STARD8: variants seen among roughly 807,000 people sequenced by gnomAD.
STARD8 encodes StAR related lipid transfer domain containing 8.
A neutral mutation model predicts 69.4 loss-of-function variants in STARD8; 25 were observed. That is an observed-to-expected ratio of 0.36 (90% CI 0.26 to 0.50). The LOEUF (loss-of-function observed/expected upper bound fraction) is 0.50. Among genes scored for constraint, STARD8 ranks in the 20% least tolerant of loss-of-function variants. STARD8 has a pLI of 0.96. For synonymous variants in STARD8, 389 were observed against 374.6 expected (o/e 1.04, Z -0.45); for missense variants, 921 against 932.5 (o/e 0.99, Z 0.16).
At chrX:68,667,403 C>A (rs111745409) in intron 2 of STARD8, among the ~76,000 whole-genome samples, 3 of 111,633 alleles carry the variant, frequency 2.7e-5, no homozygotes, top group Non-Finnish European at 5.6e-5. Context: ...CAATAGACAG[C>A]GCATTAAAAA....
At chrX:68,674,111 T>G (rs2079747991) in intron 2 of STARD8, among the ~76,000 whole-genome samples, 2 of 110,456 alleles carry the variant, frequency 1.8e-5, no homozygotes, top group Admixed American at 1.9e-4. Context: ...CTGACCAACA[T>G]GGTGAAACCC....
chrX:68,674,155 G>A (rs1047833063), intron 2 of STARD8, among the ~76,000 whole-genome samples: 3 of 110,236 alleles, frequency 2.7e-5, no homozygotes. Context: ...TTAGCTAAGT[G>A]TGGTGGTGGG....
At position 68,717,499 on chromosome X, in the gene STARD8, TC is replaced by T; in HGVS notation, c.589del (p.Gln197ArgfsTer20). The T allele has an allele frequency of 8.3e-7, 1 of 1,208,416 alleles. No homozygotes were observed. The highest frequency in any genetic ancestry group is 1.1e-6 in the Non-Finnish European group (1 of 894,890). On this transcript the variant is annotated frameshift_variant, in exon 6 of 15. Coordinates refer to ENST00000374599, the MANE Select transcript of STARD8 (RefSeq NM_001142503.3). LOFTEE classifies it high-confidence loss of function. ...LLSPTQGQEG[P>X]QDKAKKRHRN... ...TCAGCCCCACCCAGGGCCAGGAGGGTCCCCAGGACAAAGCCAAGAAGCGCCA... is the reference window on the plus strand; with the variant it reads ...TCAGCCCCACCCAGGGCCAGGAGGGTCCCAGGACAAAGCCAAGAAGCGCCA...
At chrX:68,723,253 G>A (rs1020511392) in intron 12 of STARD8, among the ~76,000 whole-genome samples, 11 of 112,496 alleles carry the variant, frequency 9.8e-5, no homozygotes, top group Non-Finnish European at 5.6e-5. Context: ...CATACTAAAG[G>A]TTCTGTAAGT....
chrX:68,723,606 C>A lies in STARD8; in HGVS notation c.2800-20C>A. On this transcript the variant is annotated intron_variant, in intron 12 of 14. Transcript: ENST00000374599. Reference sequence around the variant, plus strand: ...TCCAGCCCTGACAGCTGCCCCCATCCCCACTCCTGTGGCTCACAGGCACCG... The same window carrying A: ...TCCAGCCCTGACAGCTGCCCCCATCACCACTCCTGTGGCTCACAGGCACCG... 8.6e-7 allele frequency: 1 copy of A among 1,164,785 alleles called. No homozygotes were observed. Among genetic ancestry groups the A allele is most frequent in the South Asian group, 1.9e-5 (1 of 51,580 alleles).
intron 1 of STARD8, among the ~76,000 whole-genome samples, chrX:68,650,431 A>G (rs1259998752): frequency 1.1e-5 from 1 of 88,227 alleles, no homozygotes; most frequent in African/African-American, 4.1e-5. Flanking sequence ...ATAGAAGAAG[A>G]AGAAGGAGGA....
intron 2 of STARD8, among the ~76,000 whole-genome samples, chrX:68,668,787 A>G (rs1366520050): frequency 8.9e-6 from 1 of 112,126 alleles, no homozygotes; most frequent in Non-Finnish European, 1.9e-5. Flanking sequence ...AATTTTTGCC[A>G]TCACATCATC....
chrX:68,722,049 T>C lies in STARD8; in HGVS notation c.2462T>C (p.Ile821Thr). The change falls in exon 11 of 15, where the codon ATC becomes ACC. Residue 821 changes from isoleucine (I) to threonine (T), a missense_variant and splice_region_variant. Transcript: ENST00000374599. ...VSKKDSPSPR[I>T]KSKRSLIGRP... Reference sequence around the variant, plus strand: ...TCACCACCTCCTGCTCCATCTAGGATCAAGAGCAAACGCAGCCTCATTGGC... The same window carrying C: ...TCACCACCTCCTGCTCCATCTAGGACCAAGAGCAAACGCAGCCTCATTGGC... 8.4e-7 allele frequency: 1 copy of C among 1,195,044 alleles called. No individual in the cohort carries two copies. The highest frequency in any genetic ancestry group is 1.1e-6 in the Non-Finnish European group (1 of 882,246).
chrX:68,687,911 CT>C (rs1294390389), intron 2 of STARD8, among the ~76,000 whole-genome samples: 2 of 112,523 alleles, frequency 1.8e-5, no homozygotes, highest in Non-Finnish European at 3.8e-5. Context: ...CTGCCATTGC[CT>C]CCCCCACTGA....
At chrX:68,653,925 G>A (rs1315034636) in intron 1 of STARD8, among the ~76,000 whole-genome samples, 3 of 111,995 alleles carry the variant, frequency 2.7e-5, no homozygotes, top group East Asian at 2.8e-4. Flanking sequence ...ATGTTACTCC[G>A]CTTCAGGTGG....
rs2080159312 is a variant in STARD8, at chrX:68,722,472, G to T, written c.2625G>T (p.Glu875Asp). Residue 875 changes from glutamate (E) to aspartate (D), a missense_variant, in exon 12 of 15, where the codon GAG becomes GAT. Transcript: ENST00000374599. ...TGTGCAGCTCCTACAGCGCAGCTGA[G>T]CTCAGCCCTCCCGGCCCAGCCCTGG... ...LQLCSSYSAA[E>D]LSPPGPALAE... The T allele has an allele frequency of 8.3e-7, 1 of 1,209,847 alleles. No individual in the cohort carries two copies. Among genetic ancestry groups the T allele is most frequent in the East Asian group, 3.0e-5 (1 of 33,739 alleles).
At chrX:68,692,129 C>T (rs192170202) in intron 2 of STARD8, among the ~76,000 whole-genome samples, 78 of 111,876 alleles carry the variant, frequency 7.0e-4, no homozygotes, top group African/African-American at 2.0e-3. Flanking sequence ...TTGTTAAAGC[C>T]CAGCCTCAGG....
At chrX:68,670,567 G>A (rs183072860) in intron 2 of STARD8, among the ~76,000 whole-genome samples, 80 of 110,820 alleles carry the variant, frequency 7.2e-4, no homozygotes, top group African/African-American at 2.5e-3. Context: ...CATCTCCCTA[G>A]GTATAGCCTA....
intron 2 of STARD8, among the ~76,000 whole-genome samples, chrX:68,700,053 G>A (rs935485752): frequency 4.5e-5 from 5 of 111,540 alleles, no homozygotes; most frequent in African/African-American, 1.6e-4. Flanking sequence ...CTTTGGAGTT[G>A]GTCAGGGGTG....
chrX:68,666,933 A>G (rs1274520772), intron 2 of STARD8, among the ~76,000 whole-genome samples: 1 of 111,850 alleles, frequency 8.9e-6, no homozygotes, highest in Non-Finnish European at 1.9e-5. Flanking sequence ...GCCCTGAAAT[A>G]GTGACCCCCT....
intron 2 of STARD8, among the ~76,000 whole-genome samples, chrX:68,685,066 C>T (rs181702830): frequency 2.3e-4 from 26 of 112,248 alleles, no homozygotes. Context: ...AAGCACATAT[C>T]AACTGGAAAC....
chrX:68,719,666 T>C (rs909271231), intron 7 of STARD8, among the ~76,000 whole-genome samples: 2 of 112,329 alleles, frequency 1.8e-5, no homozygotes, highest in Non-Finnish European at 3.8e-5. Flanking sequence ...ACTCTCCAGA[T>C]AAACACTTTT....
chrX:68,650,881 C>G (rs1013151629), intron 1 of STARD8, among the ~76,000 whole-genome samples: 1 of 112,566 alleles, frequency 8.9e-6, no homozygotes, highest in African/African-American at 3.2e-5. Flanking sequence ...TTGAGGATCT[C>G]TATCATGGGT....
chrX:68,689,297 A>AG (rs1569361187), intron 2 of STARD8, among the ~76,000 whole-genome samples: 2 of 102,603 alleles, frequency 1.9e-5, no homozygotes, highest in Admixed American at 2.1e-4. Context: ...CCGAGGCGTT[A>AG]GTGGGGTGCT....
Sources: allele counts gnomAD v4.1 joint callset (sites outside exome capture counted in the v4.1 genomes callset), GRCh38; gene constraint gnomAD v4.1.1; transcripts MANE v1.5; gene names NCBI Gene and HGNC (gene_info 2026-07-23, HGNC 2026-07-21).